CAD: variants seen among roughly 807,000 people sequenced by gnomAD.
CAD encodes the protein carbamoyl-phosphate synthetase 2, aspartate transcarbamylase, and dihydroorotase.
A neutral mutation model predicts 237.2 loss-of-function variants in CAD; 81 were observed. That is an observed-to-expected ratio of 0.34 (90% confidence interval 0.29 to 0.41). The LOEUF (loss-of-function observed/expected upper bound fraction) is 0.41. Ranked by LOEUF, CAD falls within the 10% of genes least tolerant of loss-of-function variation. CAD has a pLI of 1.00. For synonymous variants in CAD, 1,196 were observed against 1,162.8 expected (o/e 1.03, Z -0.58); for missense variants, 2,181 against 2,951.7 (o/e 0.74, Z 6.05).
rs1675950359 is a variant in CAD, at chr2:27,235,311, AC to A, written c.3854del (p.Thr1285MetfsTer20). On this transcript the variant is annotated frameshift_variant, in exon 24 of 44. Coordinates refer to ENST00000264705, the MANE Select transcript of CAD (RefSeq NM_004341.5). LOFTEE classifies it high-confidence loss of function. The surrounding 1 kb of genome is among the most constrained non-coding windows in gnomAD (Gnocchi z 5.2). Reference sequence around the variant, plus strand: ...GGTGTTGGGTGTGGAAATGACCAGTACTGGGGAGGTGGCCGGCTTTGGGGAG... The same window carrying A: ...GGTGTTGGGTGTGGAAATGACCAGTATGGGGAGGTGGCCGGCTTTGGGGAG... ...DVVLGVEMTS[T>X]GEVAGFGESR... is the part of the protein sequence containing the mutation. The A allele has an allele frequency of 6.2e-7, 1 of 1,613,902 alleles. No homozygotes were observed. Among genetic ancestry groups the A allele is most frequent in the African/African-American group, 1.3e-5 (1 of 74,888 alleles).
chr2:27,221,678 T>C (rs71441063), intron 3 of CAD, among the ~76,000 whole-genome samples: 7,574 of 150,394 alleles, frequency 0.05, 261 homozygotes, highest in Middle Eastern at 0.11. Flanking sequence ...AAAAACATGA[T>C]CATAATAACG....
intron 15 of CAD, among the ~76,000 whole-genome samples, chr2:27,230,723 A>G (rs1033870421): frequency 1.3e-5 from 2 of 152,202 alleles, no homozygotes; most frequent in African/African-American, 2.4e-5. Context: ...GATGAGTAGT[A>G]AGGATCATCT....
intron 16 of CAD, 135 bp from the exon 17 acceptor site, chr2:27,231,845 T>C (rs1161500415): frequency 1.4e-5 from 14 of 984,170 alleles, no homozygotes; most frequent in Non-Finnish European, 2.2e-5. Flanking sequence ...CCAGGATTGG[T>C]ATCCAGGTTT....
At position 27,231,436 on chromosome 2, in the gene CAD, A is replaced by G. The variant is rs1237128486; in HGVS notation, c.2288-32A>G. 4.6e-6 allele frequency: 6 copies of G among 1,299,828 alleles called. No homozygotes were observed. In the South Asian group the frequency reaches 7.1e-5, roughly 15 times the overall value. The allele number at this position is 1,299,828 out of a possible 1,614,324, so 80.5% of individuals were successfully genotyped here. A position where few individuals can be genotyped will look rare whatever the true frequency, so the allele number is the denominator to read the frequency against. ...CCTTCTTCCCACCCCTTCCACCTCC[A>G]CACCTTCATTCCTTCCATTCTGTTC... On this transcript the variant is annotated intron_variant, in intron 15 of 43. Coordinates refer to ENST00000264705, the MANE Select transcript of CAD (RefSeq NM_004341.5).
intron 2 of CAD, among the ~76,000 whole-genome samples, chr2:27,218,913 C>T (rs1485290374): frequency 6.6e-6 from 1 of 152,124 alleles, no homozygotes; most frequent in Non-Finnish European, 1.5e-5. Context: ...GAGTGAGCTC[C>T]GGATAAAGGA....
At chr2:27,229,767 T>A (rs1675633485) in intron 15 of CAD, among the ~76,000 whole-genome samples, 1 of 150,152 alleles carries the variant, frequency 6.7e-6, no homozygotes, top group South Asian at 2.1e-4. Context: ...TCCCAGCTAC[T>A]CAGGAGGCTG....
Position 27,238,436 on chromosome 2 carries a change from G to A in CAD, c.4866G>A (p.Leu1622=), listed in dbSNP as rs113778325. The A allele has an allele frequency of 4.1e-4, 651 of 1,572,914 alleles. 6 individuals carry two copies. In the African/African-American group the frequency reaches 6.3e-3, roughly 15 times the overall value. ...ICHVARKEEI[L]LIKAAKARGL... ...ATCTTCCCATTGTTCCCCAGATCCT[G>A]CTAATTAAAGCTGCAAAGGCACGGG... The change falls in exon 31 of 44, where the codon CTG becomes CTA. Residue 1622 remains leucine, a synonymous_variant. Coordinates refer to ENST00000264705, the MANE Select transcript of CAD (RefSeq NM_004341.5).
At position 27,239,540 on chromosome 2, in the gene CAD, C is replaced by T. The variant is rs150835190; in HGVS notation, c.5394+69C>T. On this transcript the variant is annotated intron_variant, in intron 33 of 43. Coordinates refer to ENST00000264705, the MANE Select transcript of CAD (RefSeq NM_004341.5). The surrounding 1 kb of genome is among the most constrained non-coding windows in gnomAD (Gnocchi z 4.0). ...GCACCACGTTCATTTCTTCCCTTCC[C>T]AGCACATCTACACTGTCCCACTATG... 3.8e-6 allele frequency: 6 copies of T among 1,574,728 alleles called. No homozygotes were observed. The highest frequency in any genetic ancestry group is 5.2e-6 in the Non-Finnish European group (6 of 1,150,598).
rs769622608 is a variant in CAD at position 27,224,706 on chromosome 2, T to G, written c.1255-39T>G. The G allele has an allele frequency of 4.3e-6, 7 of 1,613,768 alleles. No individual in the cohort carries two copies. In the South Asian group the frequency reaches 4.4e-5, roughly 10 times the overall value. ...CTCTAAGGCTGTTTGCAATTTTGCT[T>G]CTTCAGCAGAGGCTGAGATGCCATT... On this transcript the variant is annotated intron_variant, in intron 9 of 43. Transcript: ENST00000264705.
In CAD at chr2:27,242,080, C is replaced by T. The variant is rs1676346412; in HGVS notation, c.6053C>T (p.Ala2018Val). 1.2e-6 allele frequency: 2 copies of T among 1,613,200 alleles called. No homozygotes were observed. Among genetic ancestry groups the T allele is most frequent in the Non-Finnish European group, 1.7e-6 (2 of 1,180,032 alleles). The change falls in exon 39 of 44, where the codon GCC becomes GTC. Residue 2018 changes from alanine (A) to valine (V), a missense_variant. By Grantham distance (64) the Ala-to-Val change is moderately conservative (BLOSUM62 0). This residue lies in a region of CAD where 203 missense variants were observed against 284.5 expected (regional missense o/e 0.71). Coordinates refer to ENST00000264705, the MANE Select transcript of CAD (RefSeq NM_004341.5). This position sits in a 1 kb window ranked among gnomAD's most constrained non-coding sequence, Gnocchi z 6.4. ...ADSVQTMSCY[A>V]DVVVLRHPQP... ...TCCGTGCAGACCATGAGCTGCTATG[C>T]CGACGTCGTCGTGCTCCGGCACCCC...
rs367712369 is a variant in CAD at position 27,232,971 on chromosome 2, GTTTCTCCACGAT to G, written c.2893-54_2893-43del. 8.7e-4 allele frequency: 937 copies of G among 1,079,406 alleles called. 8 individuals are homozygous for G. The highest frequency in any genetic ancestry group is 6.8e-3 in the African/African-American group (439 of 64,698). 66.9% of individuals were successfully genotyped at this position (1,079,406 alleles called of 1,614,324 possible). On this transcript the variant is annotated intron_variant, in intron 18 of 43. Transcript: ENST00000264705. This position sits in a 1 kb window ranked among gnomAD's most constrained non-coding sequence, Gnocchi z 4.1. Reference sequence around the variant, plus strand: ...TCTCTGAAGTAGGGGCTTTGGCTTAGTTTCTCCACGATTTTCTCCACGATTTTCCTCCCACCT... The same window carrying G: ...TCTCTGAAGTAGGGGCTTTGGCTTAGTTTCTCCACGATTTTCCTCCCACCT...
Position 27,231,966 on chromosome 2 carries a change from C to T in CAD, c.2401-14C>T, listed in dbSNP as rs760424499. ...CTGGCAGTAGCTTCCGTCTGTCTAC[C>T]CCCTTTCTATCAGGAGTTGGAGACT... On this transcript the variant is annotated splice_polypyrimidine_tract_variant and intron_variant, in intron 16 of 43. Transcript: ENST00000264705. The T allele has an allele frequency of 1.9e-6, 3 of 1,614,068 alleles. No homozygotes were observed. The highest frequency in any genetic ancestry group is 1.3e-5 in the African/African-American group (1 of 75,034).
Position 27,242,323 on chromosome 2 carries a change from A to T in CAD, c.6118A>T (p.Arg2040Trp). 6.2e-7 allele frequency: 1 copy of T among 1,612,836 alleles called. No homozygotes were observed. The highest frequency in any genetic ancestry group is 8.5e-7 in the Non-Finnish European group (1 of 1,179,038). The change falls in exon 40 of 44, where the codon AGG becomes TGG. Residue 2040 changes from arginine (R) to tryptophan (W), a missense_variant. Coordinates refer to ENST00000264705, the MANE Select transcript of CAD (RefSeq NM_004341.5). This position sits in a 1 kb window ranked among gnomAD's most constrained non-coding sequence, Gnocchi z 6.4. ...AVELAAKHCR[R>W]PVINAGDGVG... ...CCAGCTGGCCGCCAAGCACTGCCGG[A>T]GGCCAGTGATCAATGCTGGGGATGG... is the stretch of plus-strand genomic sequence containing the variant.
At chr2:27,226,406 G>T in intron 13 of CAD, 87 bp downstream of exon 13, 2 of 1,543,376 alleles carry the variant, frequency 1.3e-6, no homozygotes, top group Non-Finnish European at 1.8e-6. Flanking sequence ...GGTCTTTTGG[G>T]CTTACAGTCC....
Position 27,232,759 on chromosome 2 carries a change from A to C in CAD, c.2892+65A>C. On this transcript the variant is annotated intron_variant, in intron 18 of 43. Transcript: ENST00000264705. The surrounding 1 kb of genome is among the most constrained non-coding windows in gnomAD (Gnocchi z 4.1). The stretch of plus-strand genomic sequence containing the variant: ...TGTTCATCTCTAGCAATTGCTTGGC[A>C]CTAATCCTGGCATTTCCTATTAATT... 2 of 1,594,988 alleles carry C rather than the reference A, an allele frequency of 1.3e-6. No individual in the cohort carries two copies. Among genetic ancestry groups the C allele is most frequent in the South Asian group, 1.1e-5 (1 of 89,810 alleles).
chr2:27,230,328 G>T lies in CAD; in HGVS notation c.2288-1140G>T, dbSNP rs76178084. ...AACACAGGATGGAAATTATATGTAT[G>T]CTGTGATGATATGTAAAACATACCT... On this transcript the variant is annotated intron_variant, in intron 15 of 43. Transcript: ENST00000264705. 6.3e-3 allele frequency among the ~76,000 whole-genome samples: 961 copies of T among 151,936 alleles called. 11 individuals are homozygous for T. The highest frequency in any genetic ancestry group is 0.022 in the African/African-American group (916 of 41,412).
chr2:27,223,164 C>A, intron 6 of CAD, 127 bp downstream of exon 6: 1 of 964,674 alleles, frequency 1.0e-6, no homozygotes, highest in Non-Finnish European at 1.5e-6. Context: ...GGTGAGGTGG[C>A]TCCCACCTGT....
In CAD at chr2:27,237,247, C is replaced by T. The variant is rs1395140720; in HGVS notation, c.4397-132C>T. 10 of 909,158 alleles carry T rather than the reference C, an allele frequency of 1.1e-5. No homozygotes were observed. Among genetic ancestry groups the T allele is most frequent in the Non-Finnish European group, 1.7e-5 (10 of 575,462 alleles). 56.3% of individuals were successfully genotyped at this position (909,158 alleles called of 1,614,324 possible). ...CCATGTTGGTCAGGTTGGTCTCGAA[C>T]TCCTGATCTCAGGTGATCTGCCCAC... On this transcript the variant is annotated intron_variant, in intron 27 of 43. Coordinates refer to ENST00000264705, the MANE Select transcript of CAD (RefSeq NM_004341.5). This position sits in a 1 kb window ranked among gnomAD's most constrained non-coding sequence, Gnocchi z 4.0.
chr2:27,238,670 G>T (rs1399074776), intron 31 of CAD, 38 bp downstream of exon 31: 11 of 1,559,696 alleles, frequency 7.1e-6, no homozygotes, highest in East Asian at 4.5e-5. Context: ...TGCCCAGTGG[G>T]GCTTGTGGGA....
Sources: allele counts gnomAD v4.1 joint callset (sites outside exome capture counted in the v4.1 genomes callset), GRCh38; gene constraint gnomAD v4.1.1; regional missense constraint gnomAD v4.1.1; non-coding constraint Gnocchi (gnomAD v3.1); transcripts MANE v1.5; gene names NCBI Gene and HGNC (gene_info 2026-07-23, HGNC 2026-07-21).